ENTPD1: variants seen among roughly 807,000 people sequenced by gnomAD.
ENTPD1 encodes ectonucleoside triphosphate diphosphohydrolase 1.
Under a neutral mutation model 57.0 loss-of-function variants are expected in ENTPD1, and 33 were observed. The observed-to-expected ratio is 0.58, with a 90% CI of 0.44 to 0.77. The LOEUF (loss-of-function observed/expected upper bound fraction) is 0.77. ENTPD1 is among the 30% of genes least tolerant of loss of function. The pLI is 0.00. For missense variants in ENTPD1, 501 were observed against 603.4 expected, an observed-to-expected ratio of 0.83 and a Z score of 1.78; for synonymous variants, 202 against 218.8, an observed-to-expected ratio of 0.92 and a Z score of 0.68.
intron 1 of ENTPD1, among the ~76,000 whole-genome samples, chr10:95,798,008 C>G (rs1457862319): frequency 6.6e-6 from 1 of 152,040 alleles, no homozygotes; most frequent in Non-Finnish European, 1.5e-5. Flanking sequence ...ATGAGATGAA[C>G]CAACATCCCA....
intron 1 of ENTPD1, among the ~76,000 whole-genome samples, chr10:95,741,637 G>A (rs865779559): frequency 5.1e-4 from 78 of 152,278 alleles, no homozygotes; most frequent in African/African-American, 1.7e-3. Context: ...GAGTATGCCT[G>A]TAAGAAACAT....
chr10:95,810,485 C>T (rs555087450), intron 1 of ENTPD1, among the ~76,000 whole-genome samples: 4 of 146,722 alleles, frequency 2.7e-5, no homozygotes, highest in East Asian at 2.1e-4. Flanking sequence ...CCGGACAGGG[C>T]GGCCAGGCAG....
rs534733235 is a variant in ENTPD1, at chr10:95,867,085, T to G, written c.*702T>G. The G allele has an allele frequency of 1.0e-5, 10 of 986,898 alleles. No homozygotes were observed. The East Asian group carries it at 6.8e-4, about 67-fold the overall frequency. The allele number at this position is 986,898 out of a possible 1,614,324, so 61.1% of individuals were successfully genotyped here. On this transcript the variant is annotated 3_prime_UTR_variant, in exon 10 of 10. Transcript: ENST00000371205. Reference sequence around the variant, plus strand: ...ACCTGAGATTTGCAAAAAGCAGATGTAAATATATGCATTCAAACATCAGGG... The same window carrying G: ...ACCTGAGATTTGCAAAAAGCAGATGGAAATATATGCATTCAAACATCAGGG...
Position 95,875,935 on chromosome 10 carries a change from G to C in ENTPD1, c.*9552G>C. On this transcript the variant is annotated 3_prime_UTR_variant, in exon 10 of 10. Transcript: ENST00000371205. The stretch of plus-strand genomic sequence containing the variant: ...TTCTGGAAGGTACAATTCAAGTTGA[G>C]ATTTGGGTGGGGACACAGCCAAACC... 1.0e-6 allele frequency: 1 copy of C among 983,082 alleles called. No homozygotes were observed. Among genetic ancestry groups the C allele is most frequent in the Non-Finnish European group, 1.2e-6 (1 of 827,840 alleles). The allele number at this position is 983,082 out of a possible 1,614,324, so 60.9% of individuals were successfully genotyped here.
intron 8 of ENTPD1, among the ~76,000 whole-genome samples, chr10:95,862,700 C>G (rs1185741047): frequency 6.6e-6 from 1 of 152,132 alleles, no homozygotes; most frequent in African/African-American, 2.4e-5. Context: ...TTTCAGCAGC[C>G]AGAACACAGC....
At chr10:95,844,868 G>A in intron 5 of ENTPD1, 2 of 597,416 alleles carry the variant, frequency 3.3e-6, no homozygotes, top group Non-Finnish European at 5.9e-6. Flanking sequence ...ACCTTAGGGA[G>A]GCATAAAGGA....
At chr10:95,719,766 T>A (rs928699542) in intron 1 of ENTPD1, among the ~76,000 whole-genome samples, 2 of 152,220 alleles carry the variant, frequency 1.3e-5, no homozygotes, top group African/African-American at 4.8e-5. Flanking sequence ...AGTCTTGGGC[T>A]AATGCTTGGC....
chr10:95,832,661 C>T (rs922642581), intron 2 of ENTPD1, among the ~76,000 whole-genome samples: 3 of 152,202 alleles, frequency 2.0e-5, no homozygotes, highest in Non-Finnish European at 4.4e-5. Flanking sequence ...CTTCATTAAA[C>T]GCTGCCTCTT....
At chr10:95,794,405 G>A (rs1242405378) in intron 1 of ENTPD1, among the ~76,000 whole-genome samples, 1 of 152,166 alleles carries the variant, frequency 6.6e-6, no homozygotes, top group Non-Finnish European at 1.5e-5. Context: ...TCATGGATAA[G>A]CAGCAGACAT....
At chr10:95,855,119 T>C (rs1011440949) in intron 7 of ENTPD1, among the ~76,000 whole-genome samples, 1 of 152,216 alleles carries the variant, frequency 6.6e-6, no homozygotes, top group Non-Finnish European at 1.5e-5. Context: ...ATTTGGGTGC[T>C]CCTGTATTGG....
intron 1 of ENTPD1, among the ~76,000 whole-genome samples, chr10:95,758,514 C>T (rs777308781): frequency 1.3e-5 from 2 of 152,154 alleles, no homozygotes. Flanking sequence ...GATTAGCCCC[C>T]ATCTTGGATG....
chr10:95,852,240 G>A (rs1340607164), intron 7 of ENTPD1, among the ~76,000 whole-genome samples: 9 of 152,306 alleles, frequency 5.9e-5, no homozygotes, highest in African/African-American at 1.9e-4. Flanking sequence ...TTTGAGAAGT[G>A]TCTATTCAGG....
intron 1 of ENTPD1, among the ~76,000 whole-genome samples, chr10:95,778,570 A>C (rs2098143296): frequency 6.6e-6 from 1 of 152,110 alleles, no homozygotes; most frequent in African/African-American, 2.4e-5. Context: ...AAAATTTGAC[A>C]TTTTGCTCTA....
intron 1 of ENTPD1, among the ~76,000 whole-genome samples, chr10:95,774,250 AT>A (rs2098125645): frequency 6.6e-6 from 1 of 152,156 alleles, no homozygotes; most frequent in Non-Finnish European, 1.5e-5. Flanking sequence ...AAATAGGTAG[AT>A]TGCAAAAATT....
intron 1 of ENTPD1, among the ~76,000 whole-genome samples, chr10:95,811,566 T>G (rs2140450305): frequency 6.6e-6 from 1 of 152,314 alleles, no homozygotes; most frequent in Admixed American, 6.5e-5. Flanking sequence ...TTTTAAATTT[T>G]TTGTAGAGAT....
chr10:95,817,924 C>G (rs2098335525), intron 1 of ENTPD1, among the ~76,000 whole-genome samples: 1 of 152,120 alleles, frequency 6.6e-6, no homozygotes, highest in African/African-American at 2.4e-5. Flanking sequence ...ATAATGTGTT[C>G]AATAAGTAAT....
chr10:95,866,164 CCA>C lies in ENTPD1; in HGVS notation c.1327-11_1327-10del. ...TCCTCCAACCACAAACAGACTTTCC[CCA>C]CTGTTTGCAGATCCAGGGCAGCGAC... On this transcript the variant is annotated splice_polypyrimidine_tract_variant and intron_variant, in intron 9 of 9. Coordinates refer to ENST00000371205, the MANE Select transcript of ENTPD1 (RefSeq NM_001776.6). 1 of 1,610,958 alleles carries C rather than the reference CCA, an allele frequency of 6.2e-7. No individual in the cohort carries two copies. Among genetic ancestry groups the C allele is most frequent in the Non-Finnish European group, 8.5e-7 (1 of 1,178,448 alleles).
chr10:95,859,435 A>G (rs2098461446), intron 7 of ENTPD1, among the ~76,000 whole-genome samples: 1 of 152,224 alleles, frequency 6.6e-6, no homozygotes, highest in South Asian at 2.1e-4. Context: ...TCCCCAATCT[A>G]ACCGTGTTTG....
chr10:95,751,392 T>C (rs2098011724), upstream of ENTPD1, among the ~76,000 whole-genome samples: 1 of 152,134 alleles, frequency 6.6e-6, no homozygotes, highest in Non-Finnish European at 1.5e-5. Context: ...CTGAGGTTGC[T>C]GGGTTGTGTG....
Sources: allele counts gnomAD v4.1 joint callset (sites outside exome capture counted in the v4.1 genomes callset), GRCh38; gene constraint gnomAD v4.1.1; transcripts MANE v1.5; gene names NCBI Gene and HGNC (gene_info 2026-07-23, HGNC 2026-07-21).